The following TBC1D22A variants were observed in gnomAD, a reference collection of about 807,000 sequenced individuals.
TBC1D22A encodes TBC1 domain family member 22A, also known as putative GTPase activator.
A neutral mutation model predicts 60.2 loss-of-function variants in TBC1D22A; 38 were observed. The ratio of observed to expected loss-of-function variants is 0.63; its 90% CI spans 0.49 to 0.83. The LOEUF is 0.83. Among genes scored for constraint, TBC1D22A ranks in the 40% least tolerant of loss-of-function variants. The pLI is 0.00. For missense variants in TBC1D22A, 628 were observed against 701.0 expected (o/e 0.90, Z 1.18); for synonymous variants, 302 against 281.7 (o/e 1.07, Z -0.72).
intron 1 of TBC1D22A, among the ~76,000 whole-genome samples, chr22:46,773,242 G>A (rs767433113): frequency 6.6e-6 from 1 of 152,214 alleles, no homozygotes; most frequent in Non-Finnish European, 1.5e-5. Flanking sequence ...ACAGGAGCCC[G>A]TGTCCTGTCA....
intron 4 of TBC1D22A, among the ~76,000 whole-genome samples, chr22:46,844,435 C>T (rs1303671350): frequency 6.6e-6 from 1 of 152,200 alleles, no homozygotes; most frequent in African/African-American, 2.4e-5. Flanking sequence ...CATTAAGCAC[C>T]TCCTCTGTGC....
intron 11 of TBC1D22A, among the ~76,000 whole-genome samples, chr22:47,096,893 T>G (rs1202801072): frequency 2.6e-5 from 4 of 152,222 alleles, no homozygotes; most frequent in Non-Finnish European, 4.4e-5. Flanking sequence ...TAGGCGCCAC[T>G]TTCTCCCCCA....
At chr22:46,874,794 G>A (rs145495923) in intron 4 of TBC1D22A, among the ~76,000 whole-genome samples, 28 of 151,944 alleles carry the variant, frequency 1.8e-4, no homozygotes, top group Non-Finnish European at 3.5e-4. Context: ...GGCTGGTCTC[G>A]AATTCCTCAC....
In TBC1D22A at chr22:46,762,666, T is replaced by C. The variant is rs1049399275; in HGVS notation, c.-121T>C. The C allele has an allele frequency of 2.4e-6, 2 of 832,278 alleles. No individual in the cohort carries two copies. Among genetic ancestry groups the C allele is most frequent in the Non-Finnish European group, 3.4e-6 (2 of 584,460 alleles). 51.6% of individuals were successfully genotyped at this position (832,278 alleles called of 1,614,324 possible). Reference sequence around the variant, plus strand: ...GAAGGAGGCGGAAGAGCTTCTCGGCTCTAGGCTCTGGAGTCCCGGGAGCAG... The same window carrying C: ...GAAGGAGGCGGAAGAGCTTCTCGGCCCTAGGCTCTGGAGTCCCGGGAGCAG... On this transcript the variant is annotated 5_prime_UTR_variant, in exon 1 of 13. Transcript: ENST00000337137.
chr22:46,870,651 G>A (rs569296114), intron 4 of TBC1D22A, among the ~76,000 whole-genome samples: 6 of 152,276 alleles, frequency 3.9e-5, no homozygotes, highest in South Asian at 4.1e-4. Context: ...CAGAAATTCC[G>A]TCTCTCCCAG....
chr22:47,150,500 G>A (rs567212194), intron 12 of TBC1D22A, among the ~76,000 whole-genome samples: 3 of 152,352 alleles, frequency 2.0e-5, no homozygotes, highest in East Asian at 3.9e-4. Context: ...GTACACCTGA[G>A]GCGGTCTGGG....
intron 8 of TBC1D22A, among the ~76,000 whole-genome samples, chr22:46,958,794 G>A (rs2073345283): frequency 6.6e-6 from 1 of 152,194 alleles, no homozygotes; most frequent in Admixed American, 6.5e-5. Context: ...GAGGGAATTA[G>A]CATTTCTTTC....
At chr22:47,056,072 C>T (rs938431721) in intron 11 of TBC1D22A, among the ~76,000 whole-genome samples, 1 of 152,144 alleles carries the variant, frequency 6.6e-6, no homozygotes, top group Non-Finnish European at 1.5e-5. Flanking sequence ...GTCCCGTGCA[C>T]ACATCAGCGA....
chr22:46,781,763 C>T (rs75592944), intron 1 of TBC1D22A, among the ~76,000 whole-genome samples: 3,959 of 152,252 alleles, frequency 0.026, 173 homozygotes, highest in African/African-American at 0.091. Context: ...CACCTGTGTG[C>T]GGCCTCTCCT....
chr22:47,111,837 T>C (rs777561700), intron 12 of TBC1D22A, among the ~76,000 whole-genome samples: 1 of 152,226 alleles, frequency 6.6e-6, no homozygotes, highest in African/African-American at 2.4e-5. Context: ...TAGATGTGGC[T>C]GTGTGACAAG....
At chr22:47,088,989 G>A (rs1478508358) in intron 11 of TBC1D22A, among the ~76,000 whole-genome samples, 4 of 152,142 alleles carry the variant, frequency 2.6e-5, no homozygotes, top group Admixed American at 2.6e-4. Flanking sequence ...ACTCAGCAGG[G>A]GAATAAACTA....
At chr22:46,765,855 A>T (rs1210329909) in intron 1 of TBC1D22A, among the ~76,000 whole-genome samples, 1 of 146,262 alleles carries the variant, frequency 6.8e-6, no homozygotes, top group African/African-American at 2.6e-5. Context: ...ATCTCAGCTC[A>T]CTGCTACCTC....
At chr22:46,939,123 T>G (rs1381114528) in intron 8 of TBC1D22A, among the ~76,000 whole-genome samples, 2 of 150,032 alleles carry the variant, frequency 1.3e-5, no homozygotes, top group East Asian at 3.9e-4. Context: ...AATTTAGAAT[T>G]TTTTATTTTT....
chr22:46,844,792 G>A (rs1035109143), intron 4 of TBC1D22A, among the ~76,000 whole-genome samples: 4 of 152,316 alleles, frequency 2.6e-5, no homozygotes, highest in East Asian at 1.9e-4. Flanking sequence ...TGGCCTGGAC[G>A]TCTGAGCGGG....
intron 4 of TBC1D22A, among the ~76,000 whole-genome samples, chr22:46,829,855 G>A (rs2086233522): frequency 6.6e-6 from 1 of 152,124 alleles, no homozygotes; most frequent in African/African-American, 2.4e-5. Context: ...AAACAATTTT[G>A]TAGGAACTGT....
chr22:47,031,480 CTGTGTCCGGTTTTCTGGTTAGTTCCT>C (rs2062471999), intron 10 of TBC1D22A, among the ~76,000 whole-genome samples: 1 of 152,244 alleles, frequency 6.6e-6, no homozygotes, highest in Admixed American at 6.5e-5. Context: ...GAGGTTAACG[CTGTGTCCGGTTTTCTGGTTAGTTCCT>C]TGTGACCGGG....
Position 46,777,009 on chromosome 22 carries a change from A to T in TBC1D22A, c.62+14161A>T, listed in dbSNP as rs958971819. 1.3e-5 allele frequency among the ~76,000 whole-genome samples: 2 copies of T among 152,130 alleles called. No individual in the cohort carries two copies. Among genetic ancestry groups the T allele is most frequent in the African/African-American group, 2.4e-5 (1 of 41,418 alleles). ...CCGGTGCAACTGTCATGTTCTTCTC[A>T]GGAGCAGGGGATGGGTCAGGGCCAG... On this transcript the variant is annotated intron_variant, in intron 1 of 12. Coordinates refer to ENST00000337137, the MANE Select transcript of TBC1D22A (RefSeq NM_014346.5). This position sits in a 1 kb window ranked among gnomAD's most constrained non-coding sequence, Gnocchi z 4.5.
intron 11 of TBC1D22A, among the ~76,000 whole-genome samples, chr22:47,108,461 A>G (rs889225270): frequency 2.0e-5 from 3 of 152,242 alleles, no homozygotes; most frequent in Non-Finnish European, 4.4e-5. Flanking sequence ...AATGTGTATT[A>G]TATGATTCCC....
At position 46,765,210 on chromosome 22, in the gene TBC1D22A, C is replaced by T. The variant is rs372707116; in HGVS notation, c.62+2362C>T. On this transcript the variant is annotated intron_variant, in intron 1 of 12. Coordinates refer to ENST00000337137, the MANE Select transcript of TBC1D22A (RefSeq NM_014346.5). ...GAAGGCCTGTGAAGCCTCTGTGTCT[C>T]CCATCCGTCTTGTGGCTCAAGCCTC... Among the ~76,000 whole-genome samples the T allele has an allele frequency of 4.3e-4, 65 of 152,304 alleles. No homozygotes were observed. The East Asian group carries it at 8.7e-3, about 20-fold the overall frequency.
Sources: gnomAD v4.1 joint callset for allele counts (sites outside exome capture counted in the v4.1 genomes callset) on GRCh38, gnomAD v4.1.1 for gene constraint, Gnocchi (gnomAD v3.1) non-coding constraint, MANE v1.5 for transcripts, NCBI Gene and HGNC (gene_info 2026-07-23, HGNC 2026-07-21) for gene names.